PLA2G4C: variants seen among roughly 807,000 people sequenced by gnomAD.
PLA2G4C encodes the protein cytosolic phospholipase A2 gamma.
In PLA2G4C, 64 loss-of-function variants were observed where a neutral mutation model predicts 73.8. That is an observed-to-expected ratio of 0.87 (90% CI 0.71 to 1.07). The LOEUF (loss-of-function observed/expected upper bound fraction) is 1.07, where lower values mean the gene tolerates loss of function less well. Among genes scored for constraint, PLA2G4C ranks in the 50% least tolerant of loss-of-function variants. The probability of loss-of-function intolerance (pLI) is 0.00; values close to 1 mark genes in which losing one functional copy is unlikely to be tolerated. For missense variants in PLA2G4C, 622 were observed against 665.4 expected, an observed-to-expected ratio of 0.93 and a Z score of 0.72; for synonymous variants, 254 against 252.1, an observed-to-expected ratio of 1.01 and a Z score of -0.07.
rs774085087 is a variant in PLA2G4C, at chr19:48,105,357, C to G, written c.96G>C (p.Lys32Asn). The change falls in exon 3 of 17, where the codon AAG becomes AAC. Residue 32 changes from lysine (K) to asparagine (N), a missense_variant. Coordinates refer to ENST00000599921, the MANE Select transcript of PLA2G4C (RefSeq NM_003706.3). ...CCTCATCAGCCTCAATCCTTAGCTTCTTCAGAGCTTTCAGCACATGAAGTC... is the reference window on the plus strand; with the variant it reads ...CCTCATCAGCCTCAATCCTTAGCTTGTTCAGAGCTTTCAGCACATGAAGTC... ...RRRLHVLKAL[K>N]KLRIEADEAP... 6.2e-7 allele frequency: 1 copy of G among 1,613,570 alleles called. No individual in the cohort carries two copies. Among genetic ancestry groups the G allele is most frequent in the African/African-American group, 1.3e-5 (1 of 75,002 alleles).
intron 14 of PLA2G4C, 95 bp from the exon 15 acceptor site, chr19:48,055,144 A>G (rs1415249597): frequency 9.2e-7 from 1 of 1,085,446 alleles, no homozygotes. Context: ...GACCTCAGCT[A>G]ACAGCCCAGA....
chr19:48,077,733 A>G, intron 11 of PLA2G4C, 38 bp downstream of exon 11: 2 of 1,494,904 alleles, frequency 1.3e-6, no homozygotes, highest in Non-Finnish European at 1.9e-6. Context: ...TGCAGTCCAC[A>G]CTATCATTAG....
chr19:48,107,644 G>A (rs1427383135), intron 1 of PLA2G4C, among the ~76,000 whole-genome samples: 1 of 152,082 alleles, frequency 6.6e-6, no homozygotes, highest in Non-Finnish European at 1.5e-5. Flanking sequence ...GGAAGACTCT[G>A]CTCCACCGCC....
At chr19:48,081,891 A>G (rs558986277) in intron 10 of PLA2G4C, among the ~76,000 whole-genome samples, 1 of 151,728 alleles carries the variant, frequency 6.6e-6, no homozygotes, top group Admixed American at 6.6e-5. Context: ...GACCAGCCTG[A>G]CCAACATGGC....
chr19:48,101,126 A>ATATATATATTTT (rs1491313107), intron 4 of PLA2G4C, among the ~76,000 whole-genome samples: 34 of 74,126 alleles, frequency 4.6e-4, no homozygotes, highest in African/African-American at 2.0e-3. Context: ...ATATATATAT[A>ATATATATATTTT]TTTTTTTTTT....
In PLA2G4C at chr19:48,098,713, T is replaced by TAAAAAAAAAAAAAA. The variant is rs548688675; in HGVS notation, c.448-468_448-455dup. Among the ~76,000 whole-genome samples the TAAAAAAAAAAAAAA allele has an allele frequency of 1.1e-3, 33 of 30,904 alleles. 3 individuals carry two copies. Among genetic ancestry groups the TAAAAAAAAAAAAAA allele is most frequent in the Non-Finnish European group, 1.7e-3 (28 of 16,872 alleles). The allele number at this position is 30,904 out of a possible 152,430, so 20.3% of individuals were successfully genotyped here. A position where few individuals can be genotyped will look rare whatever the true frequency, so the allele number is the denominator to read the frequency against. On this transcript the variant is annotated intron_variant, in intron 5 of 16. Transcript: ENST00000599921. ...GAGCAAAAAAGCGAAACCCTATCTC[T>TAAAAAAAAAAAAAA]AAAAAAAAAAAAAAAAAAAAAAAAA...
At chr19:48,087,959 G>T (rs146448215) in intron 9 of PLA2G4C, among the ~76,000 whole-genome samples, 1 of 149,644 alleles carries the variant, frequency 6.7e-6, no homozygotes, top group East Asian at 2.0e-4. Flanking sequence ...AAAAAATCTC[G>T]ATGCAACTCA....
intron 10 of PLA2G4C, among the ~76,000 whole-genome samples, chr19:48,082,839 A>G (rs1600214873): frequency 8.0e-6 from 1 of 125,044 alleles, no homozygotes. Flanking sequence ...TTTGAGACGG[A>G]GTCTCGCTCT....
At chr19:48,093,508 C>T (rs538642369) in intron 7 of PLA2G4C, among the ~76,000 whole-genome samples, 3 of 152,230 alleles carry the variant, frequency 2.0e-5, no homozygotes, top group South Asian at 2.1e-4. Context: ...TAAACTGAAT[C>T]GGTCACCACC....
intron 12 of PLA2G4C, 174 bp from the exon 13 acceptor site, chr19:48,068,060 T>G: frequency 1.7e-6 from 1 of 593,928 alleles, no homozygotes. Flanking sequence ...TCCCAGCACT[T>G]TGGGAGGCCG....
chr19:48,092,135 C>T (rs779105756), intron 7 of PLA2G4C, among the ~76,000 whole-genome samples: 7 of 152,078 alleles, frequency 4.6e-5, no homozygotes, highest in East Asian at 1.9e-4. Flanking sequence ...CTGCAGCTTC[C>T]GCCTCTCGAG....
chr19:48,106,640 C>T, intron 1 of PLA2G4C, 79 bp from the exon 2 acceptor site: 1 of 1,134,696 alleles, frequency 8.8e-7, no homozygotes, highest in Non-Finnish European at 1.3e-6. Context: ...CTGGGACTGT[C>T]ACGGGCTCAT....
chr19:48,093,463 A>C (rs1444814196), intron 7 of PLA2G4C, among the ~76,000 whole-genome samples: 1 of 148,348 alleles, frequency 6.7e-6, no homozygotes, highest in Non-Finnish European at 1.5e-5. Context: ...ATCCATGCTC[A>C]GAGAGAGAGA....
chr19:48,088,633 A>G lies in PLA2G4C; in HGVS notation c.790+53T>C, dbSNP rs1027644022. 6 of 1,350,268 alleles carry G rather than the reference A, an allele frequency of 4.4e-6. No homozygotes were observed. The African/African-American group carries it at 8.6e-5, about 19-fold the overall frequency. The allele number at this position is 1,350,268 out of a possible 1,614,324, so 83.6% of individuals were successfully genotyped here. ...CCTAGGACAATGGCTGGCCTCAAGC[A>G]AGTGTGCGGTCCCCATTATCATCAG... On this transcript the variant is annotated intron_variant, in intron 9 of 16. Transcript: ENST00000599921.
intron 7 of PLA2G4C, among the ~76,000 whole-genome samples, chr19:48,092,120 G>A (rs921264429): frequency 6.0e-5 from 9 of 148,958 alleles, no homozygotes; most frequent in African/African-American, 1.0e-4. Flanking sequence ...CGCGATCTCC[G>A]CTCACTGCAG....
In PLA2G4C at chr19:48,099,791, A is replaced by G. The variant is rs1302895872; in HGVS notation, c.327T>C (p.Phe109=). Residue 109 remains phenylalanine (F), a synonymous_variant, in exon 5 of 17, where the codon TTT becomes TTC. Coordinates refer to ENST00000599921, the MANE Select transcript of PLA2G4C (RefSeq NM_003706.3). ...EALEADLKHR[F]TRQEWDLAKS... ...TAGCCAAGTCCCACTCCTGTCGGGT[A>G]AATCGATGTTTCAGGTCAGCCTCGA... The G allele has an allele frequency of 6.2e-7, 1 of 1,613,864 alleles. No homozygotes were observed. Among genetic ancestry groups the G allele is most frequent in the Admixed American group, 1.7e-5 (1 of 59,992 alleles).
chr19:48,099,970 G>C (rs1463795804), intron 4 of PLA2G4C, 110 bp from the exon 5 acceptor site: 6 of 673,794 alleles, frequency 8.9e-6, no homozygotes, highest in Non-Finnish European at 1.5e-5. Context: ...CTCATGGAGA[G>C]GGCGACACAC....
intron 7 of PLA2G4C, among the ~76,000 whole-genome samples, chr19:48,092,555 A>C (rs1450613341): frequency 6.6e-6 from 1 of 152,240 alleles, no homozygotes; most frequent in Non-Finnish European, 1.5e-5. Context: ...ATATTCGTAC[A>C]ATGGAATATG....
At chr19:48,103,098 C>G (rs1184000636) in intron 4 of PLA2G4C, among the ~76,000 whole-genome samples, 1 of 152,018 alleles carries the variant, frequency 6.6e-6, no homozygotes, top group East Asian at 1.9e-4. Context: ...GTCTTGAACT[C>G]CTGGGCTCAA....
Sources: allele counts gnomAD v4.1 joint callset (sites outside exome capture counted in the v4.1 genomes callset), GRCh38; gene constraint gnomAD v4.1.1; transcripts MANE v1.5; gene names NCBI Gene and HGNC (gene_info 2026-07-23, HGNC 2026-07-21).